The following SUMF1 variants were observed in gnomAD, a reference collection of about 807,000 sequenced individuals.
The protein encoded by SUMF1 is sulfatase modifying factor 1, also known as formylglycine-generating enzyme.
Under a neutral mutation model 47.6 loss-of-function variants are expected in SUMF1, and 48 were observed. The observed-to-expected ratio is 1.01, with a 90% CI of 0.80 to 1.28. The LOEUF is 1.28. SUMF1 is among the 50% of genes most tolerant of loss of function. The probability of loss-of-function intolerance (pLI) is 0.00; values close to 1 mark genes in which losing one functional copy is unlikely to be tolerated. For synonymous variants in SUMF1, 230 were observed against 192.1 expected (o/e 1.20, Z -1.63); for missense variants, 571 against 485.4 (o/e 1.18, Z -1.66).
intron 8 of SUMF1, among the ~76,000 whole-genome samples, chr3:4,198,441 C>T (rs1421700148): frequency 6.6e-6 from 1 of 152,110 alleles, no homozygotes; most frequent in Admixed American, 6.6e-5. Flanking sequence ...TCCTTCCTCC[C>T]AGCCCCAAGT....
At chr3:4,286,898 A>G (rs1559652797) in intron 8 of SUMF1, among the ~76,000 whole-genome samples, 2 of 152,180 alleles carry the variant, frequency 1.3e-5, no homozygotes, top group Admixed American at 1.3e-4. Context: ...GCCTGGATTT[A>G]TGTTTTAGGT....
rs377178967 is a variant in SUMF1, at chr3:4,098,911, C to G, written c.1015-30166G>C. Among the ~76,000 whole-genome samples, 90 of 152,214 alleles carry G rather than the reference C, an allele frequency of 5.9e-4. No homozygotes were observed. In the East Asian group the frequency reaches 6.4e-3, roughly 11 times the overall value. On this transcript the variant is annotated intron_variant and NMD_transcript_variant, in intron 8 of 12. Transcript: ENST00000448413. ...TTTAAATATGCCAATAAAATGTTAA[C>G]ATTCGAGACTCATTAAGCAGATTTG...
Position 4,073,727 on chromosome 3 carries a change from C to A in SUMF1, c.1015-4982G>T, listed in dbSNP as rs370671184. ...AAACACACTTTAAACCAACAAAGAT[C>A]AAGAGAGACTAAGAAGGCCATTATA... On this transcript the variant is annotated intron_variant and NMD_transcript_variant, in intron 8 of 12. Transcript: ENST00000448413. 6.6e-5 allele frequency among the ~76,000 whole-genome samples: 10 copies of A among 152,170 alleles called. 2 individuals are homozygous for A. Among genetic ancestry groups the A allele is most frequent in the Admixed American group, 6.5e-5 (1 of 15,274 alleles).
At chr3:4,120,324 C>A (rs1693510088) in intron 8 of SUMF1, among the ~76,000 whole-genome samples, 1 of 152,184 alleles carries the variant, frequency 6.6e-6, no homozygotes, top group African/African-American at 2.4e-5. Context: ...CAACCTAAAA[C>A]ACCTTTCAAA....
At chr3:4,187,816 A>T (rs1382028139) in intron 8 of SUMF1, among the ~76,000 whole-genome samples, 3 of 152,092 alleles carry the variant, frequency 2.0e-5, no homozygotes, top group Non-Finnish European at 2.9e-5. Context: ...GTTTGTCTTA[A>T]ACTTCCTTTG....
intron 8 of SUMF1, among the ~76,000 whole-genome samples, chr3:4,137,873 T>C (rs927274306): frequency 2.6e-5 from 4 of 151,672 alleles, no homozygotes; most frequent in African/African-American, 9.7e-5. Context: ...ACCATCTCTA[T>C]TTGCAGATGA....
At chr3:4,132,231 G>A (rs1693809418) in intron 8 of SUMF1, among the ~76,000 whole-genome samples, 1 of 152,070 alleles carries the variant, frequency 6.6e-6, no homozygotes, top group South Asian at 2.1e-4. Flanking sequence ...CTACCATCAT[G>A]GTATTCCACA....
At chr3:4,426,649 A>C (rs1702078150) in intron 3 of SUMF1, among the ~76,000 whole-genome samples, 1 of 152,196 alleles carries the variant, frequency 6.6e-6, no homozygotes, top group Non-Finnish European at 1.5e-5. Flanking sequence ...AATTCCTTTT[A>C]ACAGGAATAG....
At chr3:4,175,337 G>T in intron 8 of SUMF1, among the ~76,000 whole-genome samples, 1 of 152,116 alleles carries the variant, frequency 6.6e-6, no homozygotes, top group East Asian at 1.9e-4. Context: ...ACTTCCAGAG[G>T]AAGGATCAGG....
intron 8 of SUMF1, among the ~76,000 whole-genome samples, chr3:4,108,776 G>C (rs1438079182): frequency 1.3e-5 from 2 of 152,006 alleles, no homozygotes; most frequent in Admixed American, 6.6e-5. Flanking sequence ...CCATTTGCTT[G>C]GTAGATCTTC....
chr3:4,187,913 G>A (rs1206209467), intron 8 of SUMF1, among the ~76,000 whole-genome samples: 1 of 152,102 alleles, frequency 6.6e-6, no homozygotes, highest in East Asian at 1.9e-4. Context: ...CATTGTGATA[G>A]CCCAATGTTA....
At chr3:4,282,224 T>C (rs1026263942) in intron 8 of SUMF1, among the ~76,000 whole-genome samples, 6 of 152,096 alleles carry the variant, frequency 3.9e-5, no homozygotes, top group African/African-American at 1.4e-4. Context: ...AAACATAAAA[T>C]CAATGTACTT....
At chr3:4,349,685 G>C (rs1328194777) in intron 8 of SUMF1, among the ~76,000 whole-genome samples, 2 of 152,180 alleles carry the variant, frequency 1.3e-5, no homozygotes, top group African/African-American at 4.8e-5. Context: ...CCCTTTGCAG[G>C]GACATGGATG....
Position 4,351,490 on chromosome 3 carries a change from A to T in SUMF1, c.1014+24840T>A, listed in dbSNP as rs570229552. ...GCACACTTTTCCTTTCATTCTTCACACACTGATCTCAGTCGTCTTTATCAG... is the reference window on the plus strand; with the variant it reads ...GCACACTTTTCCTTTCATTCTTCACTCACTGATCTCAGTCGTCTTTATCAG... On this transcript the variant is annotated intron_variant and NMD_transcript_variant, in intron 8 of 12. Transcript: ENST00000448413. Among the ~76,000 whole-genome samples the T allele has an allele frequency of 6.6e-5, 10 of 152,272 alleles. No homozygotes were observed. The South Asian group carries it at 1.5e-3, about 22-fold the overall frequency.
At chr3:4,210,724 T>G (rs1695761152) in intron 8 of SUMF1, among the ~76,000 whole-genome samples, 1 of 152,116 alleles carries the variant, frequency 6.6e-6, no homozygotes, top group Admixed American at 6.5e-5. Context: ...ATGTGATGGT[T>G]AACACTGAGT....
intron 8 of SUMF1, among the ~76,000 whole-genome samples, chr3:4,106,865 A>T (rs1188231353): frequency 6.6e-6 from 1 of 152,172 alleles, no homozygotes; most frequent in Non-Finnish European, 1.5e-5. Context: ...GGCCACATTT[A>T]TTAGAATCCT....
At chr3:4,224,121 T>C (rs1326787480) in intron 8 of SUMF1, among the ~76,000 whole-genome samples, 1 of 152,072 alleles carries the variant, frequency 6.6e-6, no homozygotes, top group Non-Finnish European at 1.5e-5. Flanking sequence ...AAGGACCTCA[T>C]GTCTGTCATT....
rs535995989 is a variant in SUMF1, at chr3:4,174,622, G to A, written c.1015-105877C>T. ...ATCTGCAGCTCCCAGCATGATCAAC[G>A]CAGAAGACAGGTGATTTCTGCATTT... On this transcript the variant is annotated intron_variant and NMD_transcript_variant, in intron 8 of 12. Coordinates refer to the SUMF1 transcript ENST00000448413. Among the ~76,000 whole-genome samples, 16 of 152,204 alleles carry A rather than the reference G, an allele frequency of 1.1e-4. No individual in the cohort carries two copies. In the South Asian group the frequency reaches 2.5e-3, roughly 24 times the overall value.
intron 8 of SUMF1, among the ~76,000 whole-genome samples, chr3:4,322,079 CA>C (rs1254727852): frequency 1.3e-5 from 2 of 152,108 alleles, no homozygotes; most frequent in African/African-American, 2.4e-5. Flanking sequence ...AATACTTGAA[CA>C]TTATTCCTCA....
Sources: gnomAD v4.1 joint callset for allele counts (sites outside exome capture counted in the v4.1 genomes callset) on GRCh38, gnomAD v4.1.1 for gene constraint, MANE v1.5 for transcripts, NCBI Gene and HGNC (gene_info 2026-07-23, HGNC 2026-07-21) for gene names.